Variants in DUOX2 observed in about 807,000 individuals in gnomAD.
DUOX2 encodes the protein dual oxidase 2.
In DUOX2, 185 loss-of-function variants were observed where a neutral mutation model predicts 183.3. The ratio of observed to expected loss-of-function variants is 1.01; its 90% CI spans 0.90 to 1.14. DUOX2 has a LOEUF of 1.14. DUOX2 is among the 50% of genes most tolerant of loss of function. DUOX2 has a pLI of 0.00. For synonymous variants in DUOX2, 788 were observed against 812.4 expected, an observed-to-expected ratio of 0.97 and a Z score of 0.51; for missense variants, 1,999 against 2,022.9, an observed-to-expected ratio of 0.99 and a Z score of 0.23.
At position 45,106,449 on chromosome 15, in the gene DUOX2, G is replaced by C. The variant is rs548489857; in HGVS notation, c.1945+79C>G. The C allele has an allele frequency of 1.9e-6, 3 of 1,588,822 alleles. No individual in the cohort carries two copies. The African/African-American group carries it at 4.0e-5, about 21-fold the overall frequency. On this transcript the variant is annotated intron_variant, in intron 16 of 33. Transcript: ENST00000389039. The stretch of plus-strand genomic sequence containing the variant: ...GGTGCCTTGGCTTTCCTCTCACTCT[G>C]TAACTTGGTTCTTTCTCCCAGACTC...
At position 45,110,456 on chromosome 15, in the gene DUOX2, T is replaced by C. The variant is rs748667349; in HGVS notation, c.1012A>G (p.Thr338Ala). 11 of 1,613,928 alleles carry C rather than the reference T, an allele frequency of 6.8e-6. No individual in the cohort carries two copies. The highest frequency in any genetic ancestry group is 9.3e-6 in the Non-Finnish European group (11 of 1,179,998). ...ATGTAGACACCAGGGGGCACCATGG[T>C]AGAGAAGAACTGCTCAGAGGCCACC... is the stretch of plus-strand genomic sequence containing the variant. ...FVVASEQFFS[T>A]MVPPGVYMRN... Residue 338 changes from threonine (T) to alanine (A), a missense_variant, in exon 9 of 34, where the codon ACC (threonine) becomes GCC (alanine). By Grantham distance (58) the Thr-to-Ala change is moderately conservative (BLOSUM62 0). Transcript: ENST00000389039.
intron 23 of DUOX2, 98 bp from the exon 24 acceptor site, chr15:45,100,326 C>G: frequency 8.5e-7 from 1 of 1,181,524 alleles, no homozygotes; most frequent in South Asian, 1.4e-5. Context: ...TGGCAGGCAT[C>G]AGGATGGGCC....
rs758401090 is a variant in DUOX2 at position 45,098,024 on chromosome 15, A to G, written c.3550T>C (p.Phe1184Leu). The change falls in exon 27 of 34, where the codon TTC (phenylalanine) becomes CTC (leucine). Residue 1184 changes from phenylalanine (F) to leucine (L), a missense_variant. Phe to Leu is a conservative substitution (Grantham distance 22). Transcript: ENST00000389039. ...KLPQKFYWWF[F>L]QTVPGMTGVL... ...CGTTTCCTACCTGGGACGGTCTGGAAGAACCACCAATAGAACTTCTGGGGA... is the reference window on the plus strand; with the variant it reads ...CGTTTCCTACCTGGGACGGTCTGGAGGAACCACCAATAGAACTTCTGGGGA... 6.2e-7 allele frequency: 1 copy of G among 1,614,148 alleles called. No individual in the cohort carries two copies. The highest frequency in any genetic ancestry group is 1.1e-5 in the South Asian group (1 of 91,088).
chr15:45,112,977 C>T lies in DUOX2; in HGVS notation c.160+10G>A. On this transcript the variant is annotated intron_variant, in intron 3 of 33. Transcript: ENST00000389039. Reference sequence around the variant, plus strand: ...CACGGCCCCAGCACGCCCGGGCCCCCAGAACGCACCAACAGCACCACGCTC... The same window carrying T: ...CACGGCCCCAGCACGCCCGGGCCCCTAGAACGCACCAACAGCACCACGCTC... The T allele has an allele frequency of 6.2e-7, 1 of 1,613,220 alleles. No individual in the cohort carries two copies. Among genetic ancestry groups the T allele is most frequent in the Middle Eastern group, 1.7e-4 (1 of 5,900 alleles).
chr15:45,108,128 G>T lies in DUOX2; in HGVS notation c.1493C>A (p.Pro498His), dbSNP rs749755024. ...GTCGAGGACAATGGCACTGAACAGG[G>T]GTCCAGGGTCCCCATGGCTCTCCAG... is the stretch of plus-strand genomic sequence containing the variant. The part of the protein sequence containing the change: ...GLLESHGDPG[P>H]LFSAIVLDQF... Residue 498 changes from proline (P) to histidine (H), a missense_variant, in exon 13 of 34, where the codon CCC (proline) becomes CAC (histidine). Pro to His is a moderately conservative substitution (Grantham distance 77). This residue lies in a region of DUOX2 where 1,628 missense variants were observed against 1,608.6 expected (regional missense o/e 1.01). Coordinates refer to ENST00000389039, the MANE Select transcript of DUOX2 (RefSeq NM_001363711.2). 1.2e-6 allele frequency: 2 copies of T among 1,614,156 alleles called. No homozygotes were observed. The highest frequency in any genetic ancestry group is 1.1e-5 in the South Asian group (1 of 91,090).
rs1481528489 is a variant in DUOX2, at chr15:45,107,989, G to T, written c.1574+58C>A. ...CATAGGGGCTGTCTAAGGCTAGACA[G>T]AGGGTCTGGGGCTCAGGCTGAGGAG... On this transcript the variant is annotated intron_variant, in intron 13 of 33. Coordinates refer to ENST00000389039, the MANE Select transcript of DUOX2 (RefSeq NM_001363711.2). 10 of 1,607,158 alleles carry T rather than the reference G, an allele frequency of 6.2e-6. No homozygotes were observed. In the South Asian group the frequency reaches 8.8e-5, roughly 14 times the overall value.
rs551449740 is a variant in DUOX2 at position 45,110,867 on chromosome 15, C to T, written c.883-157G>A. Among the ~76,000 whole-genome samples the T allele has an allele frequency of 5.5e-3, 839 of 151,806 alleles. 2 individuals carry two copies. Among genetic ancestry groups the T allele is most frequent in the South Asian group, 0.017 (81 of 4,748 alleles). ...AGGAGCAGTGTGAGGCCTGTCCCCACAAGGAACCAGGGGATTTGAGGGAGT... is the reference window on the plus strand; with the variant it reads ...AGGAGCAGTGTGAGGCCTGTCCCCATAAGGAACCAGGGGATTTGAGGGAGT... On this transcript the variant is annotated intron_variant, in intron 7 of 33. Transcript: ENST00000389039.
rs536890454 is a variant in DUOX2 at position 45,110,387 on chromosome 15, T to A, written c.1040+41A>T. 7.6e-6 allele frequency: 12 copies of A among 1,574,496 alleles called. No individual in the cohort carries two copies. In the African/African-American group the frequency reaches 1.6e-4, roughly 21 times the overall value. ...CCCCCAAGGCAGCTCATTCTGCACC[T>A]TTCTTAGTGTGGTGCCCCTCTCTGC... On this transcript the variant is annotated intron_variant, in intron 9 of 33. Coordinates refer to ENST00000389039, the MANE Select transcript of DUOX2 (RefSeq NM_001363711.2).
chr15:45,106,308 G>T lies in DUOX2; in HGVS notation c.1965C>A (p.Pro655=), dbSNP rs1469758796. Residue 655 remains proline (P), a synonymous_variant, in exon 17 of 34, where the codon CCC becomes CCA. Coordinates refer to ENST00000389039, the MANE Select transcript of DUOX2 (RefSeq NM_001363711.2). ...DGVPAMEWPG[P]KERSSPIIIQ... The stretch of plus-strand genomic sequence containing the variant: ...TGATGATGGGACTGCTCCTCTCCTT[G>T]GGGCCTGGCCACTCCATCGCTGGGG... 6.2e-7 allele frequency: 1 copy of T among 1,614,058 alleles called. No individual in the cohort carries two copies. The highest frequency in any genetic ancestry group is 1.7e-5 in the Admixed American group (1 of 60,020).
rs1273341030 is a variant in DUOX2, at chr15:45,106,923, G to A, written c.1740C>T (p.Pro580=). The change falls in exon 15 of 34, where the codon CCC becomes CCT. Residue 580 remains proline, a synonymous_variant. Transcript: ENST00000389039. The stretch of plus-strand genomic sequence containing the variant: ...CAAGCACAGTCAGGGGTGCACACTG[G>A]GGCAGGCCGTCAGTTGTGAGCTGCT... ...QPKQLTTDGL[P]QCAPLTVLDF... is the part of the protein sequence containing the mutation. 6.3e-7 allele frequency: 1 copy of A among 1,581,144 alleles called. No homozygotes were observed. The highest frequency in any genetic ancestry group is 1.9e-5 in the Admixed American group (1 of 53,004).
chr15:45,096,196 G>A, intron 29 of DUOX2, 136 bp from the exon 30 acceptor site: 2 of 759,756 alleles, frequency 2.6e-6, no homozygotes, highest in Non-Finnish European at 4.6e-6. Context: ...GGGCTCCTGG[G>A]GCTGGGAGTA....
intron 12 of DUOX2, chr15:45,108,467 G>C (rs1894290164): frequency 1.0e-5 from 6 of 602,144 alleles, no homozygotes; most frequent in Non-Finnish European, 1.7e-5. Context: ...CAGCCTGCCT[G>C]ACCTCAATGA....
At chr15:45,094,815 A>G in intron 32 of DUOX2, 121 bp downstream of exon 32, 1 of 1,593,100 alleles carries the variant, frequency 6.3e-7, no homozygotes, top group Non-Finnish European at 8.6e-7. Flanking sequence ...GGATCAGGCC[A>G]TCAGCTCTGT....
At chr15:45,109,091 C>A in intron 11 of DUOX2, 139 bp from the exon 12 acceptor site, 1 of 1,156,010 alleles carries the variant, frequency 8.7e-7, no homozygotes, top group Non-Finnish European at 1.3e-6. Flanking sequence ...TGTGCCCATG[C>A]TGACCTTGCC....
chr15:45,110,126 T>C, intron 9 of DUOX2, 146 bp from the exon 10 acceptor site: 1 of 809,898 alleles, frequency 1.2e-6, no homozygotes. Context: ...TTTGGTGATG[T>C]GCGTTTACTG....
At chr15:45,097,163 C>T in intron 29 of DUOX2, 75 bp downstream of exon 29, 1 of 1,605,566 alleles carries the variant, frequency 6.2e-7, no homozygotes, top group Admixed American at 1.7e-5. Context: ...GGTCAGGAGA[C>T]CTGGTGAACT....
intron 1 of DUOX2, among the ~76,000 whole-genome samples, 163 bp downstream of exon 1, chr15:45,113,810 C>T (rs1351047951): frequency 1.3e-5 from 2 of 152,156 alleles, no homozygotes; most frequent in Non-Finnish European, 1.5e-5. Context: ...CTCCGCTTCT[C>T]CTCCAGGAGG....
At position 45,100,107 on chromosome 15, in the gene DUOX2, C is replaced by G. The variant is rs201263758; in HGVS notation, c.3127G>C (p.Val1043Leu). 2.5e-6 allele frequency: 4 copies of G among 1,614,096 alleles called. No individual in the cohort carries two copies. The Admixed American group carries it at 5.0e-5, about 20-fold the overall frequency. ...RFVENYRRHI[V>L]CVAIFSAICV... ...ATGGCCGAGAAGATTGCCACACACA[C>G]GATGTGCCTCCGGTAGTTCTCCACG... Residue 1043 changes from valine (V) to leucine (L), a missense_variant, in exon 24 of 34, where the codon GTG becomes CTG. By Grantham distance (32) the Val-to-Leu change is conservative (BLOSUM62 1). Coordinates refer to ENST00000389039, the MANE Select transcript of DUOX2 (RefSeq NM_001363711.2).
chr15:45,094,504 G>A lies in DUOX2; in HGVS notation c.4524+59C>T, dbSNP rs553397349. Reference sequence around the variant, plus strand: ...GAACAGAGTGGCAGGGTGCTTCAGGGCCAGGATGTCCTGGCAGGAGAAGGC... The same window carrying A: ...GAACAGAGTGGCAGGGTGCTTCAGGACCAGGATGTCCTGGCAGGAGAAGGC... On this transcript the variant is annotated intron_variant, in intron 33 of 33. Coordinates refer to ENST00000389039, the MANE Select transcript of DUOX2 (RefSeq NM_001363711.2). 42 of 1,573,242 alleles carry A rather than the reference G, an allele frequency of 2.7e-5. No individual in the cohort carries two copies. In the African/African-American group the frequency reaches 5.7e-4, roughly 21 times the overall value.
Sources: gnomAD v4.1 joint callset for allele counts (sites outside exome capture counted in the v4.1 genomes callset) on GRCh38, gnomAD v4.1.1 for gene constraint, gnomAD v4.1.1 regional missense constraint, MANE v1.5 for transcripts, NCBI Gene and HGNC (gene_info 2026-07-23, HGNC 2026-07-21) for gene names.